SHANK2: variants seen among roughly 807,000 people sequenced by gnomAD.
The protein encoded by SHANK2 is SH3 and multiple ankyrin repeat domains protein 2.
Under a neutral mutation model 133.7 loss-of-function variants are expected in SHANK2, and 43 were observed. The observed-to-expected ratio is 0.32, with a 90% CI of 0.25 to 0.41. The LOEUF is 0.41. Ranked by LOEUF, SHANK2 falls within the 10% of genes least tolerant of loss-of-function variation. SHANK2 has a pLI of 1.00. For synonymous variants in SHANK2, 1,017 were observed against 952.8 expected (o/e 1.07, Z -1.24); for missense variants, 1,994 against 2,235.8 (o/e 0.89, Z 2.18).
intron 17 of SHANK2, among the ~76,000 whole-genome samples, chr11:70,516,960 C>T (rs1554970226): frequency 6.6e-6 from 1 of 152,102 alleles, no homozygotes; most frequent in African/African-American, 2.4e-5. Flanking sequence ...GTAATCCCAG[C>T]TACTTGGGAG....
intron 2 of SHANK2, among the ~76,000 whole-genome samples, chr11:71,181,693 A>T (rs782498038): frequency 6.6e-6 from 1 of 152,096 alleles, no homozygotes; most frequent in African/African-American, 2.4e-5. Flanking sequence ...ATCCAAGGCA[A>T]CCGTGACACC....
At chr11:71,112,150 T>C (rs1465264867) in intron 5 of SHANK2, among the ~76,000 whole-genome samples, 1 of 152,166 alleles carries the variant, frequency 6.6e-6, no homozygotes, top group African/African-American at 2.4e-5. Flanking sequence ...TCCCAGCACT[T>C]TGGGAGGCCG....
chr11:70,892,353 T>TGGGG (rs1319003427), intron 11 of SHANK2, among the ~76,000 whole-genome samples: 15 of 147,764 alleles, frequency 1.0e-4, no homozygotes, highest in African/African-American at 3.7e-4. Context: ...CCTCTAACTA[T>TGGGG]GGTGGGGGGG....
intron 11 of SHANK2, among the ~76,000 whole-genome samples, chr11:70,831,271 CT>C (rs1239076895): frequency 1.3e-5 from 2 of 152,150 alleles, no homozygotes; most frequent in Admixed American, 6.5e-5. Context: ...AGGCGAGCAC[CT>C]TTTGAGTCTG....
intron 10 of SHANK2, among the ~76,000 whole-genome samples, chr11:70,901,691 TA>T (rs1350077302): frequency 1.3e-5 from 2 of 152,124 alleles, no homozygotes; most frequent in Non-Finnish European, 2.9e-5. Context: ...AGGAGCCCCT[TA>T]CCCCCACAGG....
chr11:70,543,489 C>T (rs1413200552), intron 17 of SHANK2, among the ~76,000 whole-genome samples: 2 of 152,202 alleles, frequency 1.3e-5, no homozygotes, highest in Non-Finnish European at 2.9e-5. Context: ...TGTAATGAAA[C>T]TTCCATAAAA....
At chr11:71,151,067 C>G (rs1385571226) in intron 2 of SHANK2, among the ~76,000 whole-genome samples, 1 of 152,110 alleles carries the variant, frequency 6.6e-6, no homozygotes, top group Non-Finnish European at 1.5e-5. Context: ...ATTCACCCAG[C>G]CCCACCTCAC....
chr11:71,130,066 C>T (rs1220529292), intron 3 of SHANK2, among the ~76,000 whole-genome samples: 17 of 152,136 alleles, frequency 1.1e-4, no homozygotes, highest in Admixed American at 9.2e-4. Flanking sequence ...GACTCCAGTC[C>T]GATGGGATCA....
In SHANK2 at chr11:70,594,145, T is replaced by C. The variant is rs144856236; in HGVS notation, c.2061+65683A>G. ...GTGCCTCAGCTGACTTTATAAACAA[T>C]GCCCATCCACAGATGAATGAGTCAA... is the stretch of plus-strand genomic sequence containing the variant. On this transcript the variant is annotated intron_variant, in intron 17 of 25. Coordinates refer to ENST00000601538, the MANE Select transcript of SHANK2 (RefSeq NM_012309.5). 4.5e-3 allele frequency among the ~76,000 whole-genome samples: 678 copies of C among 152,290 alleles called. 7 individuals are homozygous for C. The highest frequency in any genetic ancestry group is 0.015 in the African/African-American group (643 of 41,564).
At chr11:70,504,309 G>A (rs2059104030) in intron 17 of SHANK2, among the ~76,000 whole-genome samples, 1 of 126,954 alleles carries the variant, frequency 7.9e-6, no homozygotes, top group African/African-American at 2.6e-5. Context: ...CTGGATAGAA[G>A]CAGGTACTGC....
At chr11:70,847,562 T>C (rs1403981129) in intron 11 of SHANK2, among the ~76,000 whole-genome samples, 1 of 152,220 alleles carries the variant, frequency 6.6e-6, no homozygotes, top group African/African-American at 2.4e-5. Context: ...TTAAAATTGC[T>C]CTGGAACGGG....
At chr11:71,249,757 C>G (rs781889894) in intron 1 of SHANK2, among the ~76,000 whole-genome samples, 3 of 152,232 alleles carry the variant, frequency 2.0e-5, no homozygotes, top group Admixed American at 6.5e-5. Context: ...TGCTAAAGCA[C>G]TGCCTTCCTA....
chr11:70,933,129 A>G (rs139940354), intron 10 of SHANK2: 9 of 456,668 alleles, frequency 2.0e-5, no homozygotes, highest in Middle Eastern at 3.3e-4. Context: ...CCACCGGCAG[A>G]TAAATGGATG....
At chr11:70,539,536 GCCACGCTCACTCACCATACTCA>G in intron 17 of SHANK2, among the ~76,000 whole-genome samples, 1 of 91,994 alleles carries the variant, frequency 1.1e-5, no homozygotes, top group African/African-American at 3.5e-5. Context: ...ACGCTCACTC[GCCACGCTCACTCACCATACTCA>G]CCACGCTCAC....
chr11:70,514,928 T>C (rs2059246487), intron 17 of SHANK2, among the ~76,000 whole-genome samples: 1 of 152,098 alleles, frequency 6.6e-6, no homozygotes, highest in Admixed American at 6.5e-5. Context: ...TATAAAATGG[T>C]TTAAAAAGAA....
intron 10 of SHANK2, among the ~76,000 whole-genome samples, chr11:70,908,705 G>A (rs1475491201): frequency 8.5e-5 from 13 of 152,216 alleles, no homozygotes; most frequent in Admixed American, 7.9e-4. Flanking sequence ...TCAGCACCAA[G>A]GTGACTGTAA....
intron 1 of SHANK2, among the ~76,000 whole-genome samples, chr11:71,251,484 G>T (rs1237922100): frequency 6.6e-6 from 1 of 151,870 alleles, no homozygotes; most frequent in Non-Finnish European, 1.5e-5. Context: ...AGCGGTCCCC[G>T]CGCCTGGCGC....
rs555802959 is a variant in SHANK2 at position 70,479,452 on chromosome 11, G to T, written c.4979+5862C>A. Among the ~76,000 whole-genome samples the T allele has an allele frequency of 6.6e-6, 1 of 152,226 alleles. No homozygotes were observed. Among genetic ancestry groups the T allele is most frequent in the African/African-American group, 2.4e-5 (1 of 41,460 alleles). ...CGCAGGGGCCTCGGGAGGAAAACTC[G>T]CCTGAGCTCACATCCCAGGTAGCCT... is the stretch of plus-strand genomic sequence containing the variant. On this transcript the variant is annotated intron_variant, in intron 25 of 25. Transcript: ENST00000601538. This position sits in a 1 kb window ranked among gnomAD's most constrained non-coding sequence, Gnocchi z 4.4.
intron 17 of SHANK2, among the ~76,000 whole-genome samples, chr11:70,658,944 A>T (rs2061445922): frequency 6.6e-6 from 1 of 152,200 alleles, no homozygotes; most frequent in East Asian, 1.9e-4. Flanking sequence ...CATCCAAGAA[A>T]TGCGCACTCC....
Sources: allele counts gnomAD v4.1 joint callset (sites outside exome capture counted in the v4.1 genomes callset), GRCh38; gene constraint gnomAD v4.1.1; non-coding constraint Gnocchi (gnomAD v3.1); transcripts MANE v1.5; gene names NCBI Gene and HGNC (gene_info 2026-07-23, HGNC 2026-07-21).